The following LRRC4C variants were observed in gnomAD, a reference collection of about 807,000 sequenced individuals.
LRRC4C encodes the protein leucine-rich repeat-containing protein 4C.
In LRRC4C, 5 loss-of-function variants were observed where a neutral mutation model predicts 33.6. That is an observed-to-expected ratio of 0.15 (90% confidence interval 0.08 to 0.31). LRRC4C has a LOEUF of 0.31. LRRC4C is among the 10% of genes least tolerant of loss of function. LRRC4C has a pLI of 1.00. For missense variants in LRRC4C, 560 were observed against 796.7 expected, an observed-to-expected ratio of 0.70 and a Z score of 3.58; for synonymous variants, 329 against 302.0, an observed-to-expected ratio of 1.09 and a Z score of -0.93.
chr11:41,415,436 T>A (rs1954641517), intron 1 of LRRC4C, among the ~76,000 whole-genome samples: 1 of 152,134 alleles, frequency 6.6e-6, no homozygotes, highest in South Asian at 2.1e-4. Context: ...GCATTCTGAA[T>A]TAGGAGTAAA....
chr11:40,226,650 G>C (rs1319669680), intron 5 of LRRC4C, among the ~76,000 whole-genome samples: 1 of 152,148 alleles, frequency 6.6e-6, no homozygotes, highest in Non-Finnish European at 1.5e-5. Context: ...GTTGCACAGA[G>C]CACTGGGTCT....
chr11:40,197,271 C>T (rs943802398), intron 5 of LRRC4C, among the ~76,000 whole-genome samples: 1 of 152,172 alleles, frequency 6.6e-6, no homozygotes, highest in Non-Finnish European at 1.5e-5. Flanking sequence ...TAGCCTCCTT[C>T]ATTTACCTGC....
chr11:40,876,324 G>T (rs1391978141), intron 2 of LRRC4C, among the ~76,000 whole-genome samples: 1 of 136,292 alleles, frequency 7.3e-6, no homozygotes, highest in African/African-American at 2.7e-5. Context: ...GCCGAGACAG[G>T]TGATCATGCA....
chr11:41,333,890 T>C (rs1201140760), intron 1 of LRRC4C, among the ~76,000 whole-genome samples: 5 of 152,156 alleles, frequency 3.3e-5, no homozygotes, highest in Admixed American at 3.3e-4. Flanking sequence ...CAGAGAAACA[T>C]TTGTTTAAAA....
chr11:40,965,201 AC>A (rs1202355052), intron 1 of LRRC4C, among the ~76,000 whole-genome samples: 1 of 152,090 alleles, frequency 6.6e-6, no homozygotes, highest in African/African-American at 2.4e-5. Context: ...TCCTTCGCCC[AC>A]TTTTTGATGG....
intron 1 of LRRC4C, among the ~76,000 whole-genome samples, chr11:41,248,459 A>T (rs540821770): frequency 3.3e-5 from 5 of 152,214 alleles, no homozygotes; most frequent in Admixed American, 6.5e-5. Context: ...GAAGTGATTC[A>T]TCCCTTATCT....
At chr11:40,536,374 A>C (rs1956472973) in intron 3 of LRRC4C, among the ~76,000 whole-genome samples, 1 of 152,090 alleles carries the variant, frequency 6.6e-6, no homozygotes, top group Non-Finnish European at 1.5e-5. Context: ...TTGTATTTTT[A>C]GTAGAGACGG....
At chr11:40,642,003 T>C (rs1942150057) in intron 3 of LRRC4C, among the ~76,000 whole-genome samples, 1 of 150,528 alleles carries the variant, frequency 6.6e-6, no homozygotes, top group Admixed American at 6.7e-5. Flanking sequence ...CCATGTCAAA[T>C]CTTGTCACCA....
At chr11:41,204,568 CTA>C (rs1946523720) in intron 1 of LRRC4C, among the ~76,000 whole-genome samples, 1 of 152,186 alleles carries the variant, frequency 6.6e-6, no homozygotes, top group Admixed American at 6.5e-5. Context: ...AAGACTAACT[CTA>C]TATTTCTTCT....
At chr11:40,195,953 TAG>T (rs1278820296) in intron 5 of LRRC4C, among the ~76,000 whole-genome samples, 1 of 152,172 alleles carries the variant, frequency 6.6e-6, no homozygotes, top group Non-Finnish European at 1.5e-5. Context: ...ATAATCTATA[TAG>T]TGTCCAAAGT....
intron 3 of LRRC4C, among the ~76,000 whole-genome samples, chr11:40,448,122 G>T (rs1451274614): frequency 1.3e-5 from 2 of 152,142 alleles, no homozygotes; most frequent in African/African-American, 4.8e-5. Flanking sequence ...ATGCATTCTG[G>T]ATGCTCCTGC....
At chr11:40,786,243 A>G (rs1482584097) in intron 2 of LRRC4C, among the ~76,000 whole-genome samples, 1 of 152,136 alleles carries the variant, frequency 6.6e-6, no homozygotes, top group Non-Finnish European at 1.5e-5. Flanking sequence ...GATGTGCAGA[A>G]TTGTCTTCCC....
chr11:41,271,340 G>T (rs1949313441), intron 1 of LRRC4C, among the ~76,000 whole-genome samples: 1 of 152,092 alleles, frequency 6.6e-6, no homozygotes. Flanking sequence ...CTGTGGGTTA[G>T]AGTCTATGGA....
intron 2 of LRRC4C, among the ~76,000 whole-genome samples, chr11:40,873,252 A>G (rs756078038): frequency 4.4e-4 from 67 of 152,278 alleles, no homozygotes; most frequent in Non-Finnish European, 7.8e-4. Context: ...ATGTTGTACT[A>G]ATAACAGGAA....
chr11:40,147,486 C>G (rs914384503), intron 5 of LRRC4C, among the ~76,000 whole-genome samples: 11 of 152,098 alleles, frequency 7.2e-5, no homozygotes, highest in Non-Finnish European at 1.5e-4. Flanking sequence ...CTTCCTCCAG[C>G]ACTGATAGCC....
intron 1 of LRRC4C, among the ~76,000 whole-genome samples, chr11:41,218,850 C>T (rs1438346979): frequency 6.9e-6 from 1 of 145,748 alleles, no homozygotes; most frequent in Non-Finnish European, 1.5e-5. Context: ...TCACAGCAAG[C>T]TCCGCCTCCT....
intron 2 of LRRC4C, among the ~76,000 whole-genome samples, chr11:40,774,234 G>T (rs1175898445): frequency 1.3e-5 from 2 of 151,960 alleles, no homozygotes; most frequent in Non-Finnish European, 2.9e-5. Flanking sequence ...CACTTAAATT[G>T]TCTATTTACC....
At chr11:41,423,379 C>T (rs558334450) in intron 1 of LRRC4C, among the ~76,000 whole-genome samples, 1 of 152,150 alleles carries the variant, frequency 6.6e-6, no homozygotes, top group East Asian at 1.9e-4. Flanking sequence ...GGTTTTTAAA[C>T]TTTTCTTGAT....
At position 40,115,101 on chromosome 11, in the gene LRRC4C, C is replaced by T. The variant is rs563035658; in HGVS notation, c.1192G>A (p.Ala398Thr). The change falls in exon 7 of 7, where the codon GCG becomes ACG. Residue 398 changes from alanine to threonine, a missense_variant. Coordinates refer to ENST00000528697, the MANE Select transcript of LRRC4C (RefSeq NM_001258419.2). This position sits in a 1 kb window ranked among gnomAD's most constrained non-coding sequence, Gnocchi z 6.7. ...TPNGTVMTHG[A>T]YKVRIAVLSD... ...AGCACAGCTATCCGCACTTTGTACGCCCCATGTGTCATGACTGTTCCATTT... is the reference window on the plus strand; with the variant it reads ...AGCACAGCTATCCGCACTTTGTACGTCCCATGTGTCATGACTGTTCCATTT... The T allele has an allele frequency of 1.2e-6, 2 of 1,614,178 alleles. No homozygotes were observed. Among genetic ancestry groups the T allele is most frequent in the East Asian group, 2.2e-5 (1 of 44,886 alleles).
Sources: gnomAD v4.1 joint callset for allele counts (sites outside exome capture counted in the v4.1 genomes callset) on GRCh38, gnomAD v4.1.1 for gene constraint, Gnocchi (gnomAD v3.1) non-coding constraint, MANE v1.5 for transcripts, NCBI Gene and HGNC (gene_info 2026-07-23, HGNC 2026-07-21) for gene names.